FSHR: variants seen among roughly 807,000 people sequenced by gnomAD.
FSHR encodes follicle-stimulating hormone receptor.
FSHR carries 46 observed loss-of-function variants against 52.1 expected under a neutral mutation model. The observed-to-expected ratio is 0.88, with a 90% CI of 0.70 to 1.13. The LOEUF is 1.13. Among genes scored for constraint, FSHR ranks in the 50% most tolerant of loss-of-function variants. FSHR has a pLI of 0.00. For synonymous variants in FSHR, 399 were observed against 309.6 expected, an observed-to-expected ratio of 1.29 and a Z score of -3.03; for missense variants, 964 against 834.6, an observed-to-expected ratio of 1.16 and a Z score of -1.91.
At chr2:49,022,048 A>G (rs547567776) in intron 2 of FSHR, among the ~76,000 whole-genome samples, 73 of 151,360 alleles carry the variant, frequency 4.8e-4, no homozygotes, top group African/African-American at 1.6e-3. Flanking sequence ...CTTCATTTGA[A>G]TGCAGTAGAG....
At chr2:49,003,137 T>C (rs1281560684) in intron 4 of FSHR, among the ~76,000 whole-genome samples, 2 of 152,198 alleles carry the variant, frequency 1.3e-5, no homozygotes, top group African/African-American at 4.8e-5. Context: ...ATTTTTGCGA[T>C]GTCTGTTGAA....
intron 1 of FSHR, among the ~76,000 whole-genome samples, chr2:49,083,198 C>T (rs1471740913): frequency 6.6e-6 from 1 of 151,172 alleles, no homozygotes; most frequent in African/African-American, 2.4e-5. Flanking sequence ...ATTCCACATT[C>T]TTAAAGAAAA....
At chr2:49,089,555 GCTCAT>G (rs1171983857) in intron 1 of FSHR, among the ~76,000 whole-genome samples, 1 of 152,116 alleles carries the variant, frequency 6.6e-6, no homozygotes, top group African/African-American at 2.4e-5. Context: ...ATCTATAAAT[GCTCAT>G]CTCCAGAGTA....
intron 4 of FSHR, among the ~76,000 whole-genome samples, chr2:49,000,216 C>T (rs1391125927): frequency 2.0e-5 from 3 of 152,076 alleles, no homozygotes; most frequent in Non-Finnish European, 2.9e-5. Flanking sequence ...TGTGTAACTA[C>T]GCTAGGGTTG....
At chr2:49,012,088 G>A (rs1270378434) in intron 4 of FSHR, among the ~76,000 whole-genome samples, 5 of 152,058 alleles carry the variant, frequency 3.3e-5, no homozygotes, top group Admixed American at 2.6e-4. Context: ...AGTGGAAGAT[G>A]GTTGTCAGTG....
chr2:49,049,824 A>AATATATATATATATATAT (rs5831020), intron 2 of FSHR, among the ~76,000 whole-genome samples: 12 of 144,864 alleles, frequency 8.3e-5, no homozygotes, highest in African/African-American at 2.9e-4. Flanking sequence ...CCCCTACTCT[A>AATATATATATATATATAT]ATATATATAT....
chr2:48,985,864 C>T (rs1386527430), intron 6 of FSHR, among the ~76,000 whole-genome samples: 1 of 145,744 alleles, frequency 6.9e-6, no homozygotes, highest in Non-Finnish European at 1.5e-5. Context: ...CAGGCGCCCG[C>T]CACTGCGCCC....
chr2:49,073,242 C>A (rs1361442557), intron 1 of FSHR, among the ~76,000 whole-genome samples: 1 of 151,864 alleles, frequency 6.6e-6, no homozygotes, highest in African/African-American at 2.4e-5. Context: ...TAAAGGTCAT[C>A]CAAATTGGAA....
At chr2:49,133,379 A>C (rs1284419033) in intron 1 of FSHR, among the ~76,000 whole-genome samples, 1 of 151,938 alleles carries the variant, frequency 6.6e-6, no homozygotes, top group East Asian at 1.9e-4. Context: ...CTCAAGCTAC[A>C]AACCACTTAA....
chr2:49,053,399 A>G (rs1668940105), intron 2 of FSHR, among the ~76,000 whole-genome samples: 1 of 152,184 alleles, frequency 6.6e-6, no homozygotes, highest in South Asian at 2.1e-4. Context: ...TCTGGTTACC[A>G]TAAATCACCA....
chr2:49,041,481 C>G (rs1269030663), intron 2 of FSHR, among the ~76,000 whole-genome samples: 6 of 152,158 alleles, frequency 3.9e-5, no homozygotes. Context: ...GACTGAGACC[C>G]TGTCTTCCTT....
intron 5 of FSHR, among the ~76,000 whole-genome samples, chr2:48,989,707 C>A (rs371271192): frequency 6.6e-6 from 1 of 152,132 alleles, no homozygotes; most frequent in Admixed American, 6.5e-5. Flanking sequence ...ATGTCAATCC[C>A]CTTCTTACAG....
chr2:49,117,536 C>G (rs936369820), intron 1 of FSHR, among the ~76,000 whole-genome samples: 6 of 152,122 alleles, frequency 3.9e-5, no homozygotes, highest in African/African-American at 1.4e-4. Context: ...TGCTGAGGAG[C>G]TATAAGAGTT....
intron 8 of FSHR, among the ~76,000 whole-genome samples, chr2:48,969,914 C>G (rs1203182829): frequency 1.3e-5 from 2 of 152,176 alleles, no homozygotes; most frequent in Non-Finnish European, 2.9e-5. Context: ...CCAGCTTGGA[C>G]CTGGTGGGGC....
intron 2 of FSHR, among the ~76,000 whole-genome samples, chr2:49,062,704 C>G (rs1200573584): frequency 1.3e-5 from 2 of 151,922 alleles, no homozygotes; most frequent in Non-Finnish European, 2.9e-5. Flanking sequence ...ATTCAAACAA[C>G]TCAACAGCAA....
Position 48,962,892 on chromosome 2 carries a change from C to G in FSHR, c.1929G>C (p.Lys643Asn), listed in dbSNP as rs375279102. The G allele has an allele frequency of 6.2e-7, 1 of 1,614,140 alleles. No homozygotes were observed. The highest frequency in any genetic ancestry group is 8.5e-7 in the Non-Finnish European group (1 of 1,180,018). The change falls in exon 10 of 10, where the codon AAG becomes AAC. Residue 643 changes from lysine (K) to asparagine (N), a missense_variant. Coordinates refer to ENST00000406846, the MANE Select transcript of FSHR (RefSeq NM_000145.4). ...FRRDFFILLS[K>N]CGCYEMQAQI... ...GGGCTTGCATTTCATAGCAGCCACA[C>G]TTGCTCAGCAGAATGAAGAAATCTC...
chr2:49,040,090 C>A (rs1369236483), intron 2 of FSHR, among the ~76,000 whole-genome samples: 1 of 152,188 alleles, frequency 6.6e-6, no homozygotes, highest in Non-Finnish European at 1.5e-5. Context: ...GGAAGGCATA[C>A]AGTGAATACA....
chr2:49,090,686 C>T (rs968722201), intron 1 of FSHR, among the ~76,000 whole-genome samples: 3 of 152,100 alleles, frequency 2.0e-5, no homozygotes, highest in East Asian at 1.9e-4. Context: ...TAAAAAGTTG[C>T]TAAGTTGTTT....
intron 4 of FSHR, among the ~76,000 whole-genome samples, chr2:49,003,018 C>T (rs975322394): frequency 6.6e-6 from 1 of 152,104 alleles, no homozygotes; most frequent in African/African-American, 2.4e-5. Context: ...CTTAGCACTG[C>T]TATCTTTGAA....
Sources: allele counts gnomAD v4.1 joint callset (sites outside exome capture counted in the v4.1 genomes callset), GRCh38; gene constraint gnomAD v4.1.1; transcripts MANE v1.5; gene names NCBI Gene and HGNC (gene_info 2026-07-23, HGNC 2026-07-21).